ZDHHC21: variants seen among roughly 807,000 people sequenced by gnomAD.
The protein encoded by ZDHHC21 is zDHHC palmitoyltransferase 21.
A neutral mutation model predicts 34.6 loss-of-function variants in ZDHHC21; 15 were observed. The observed-to-expected ratio is 0.43, with a 90% CI of 0.29 to 0.67. ZDHHC21 has a LOEUF of 0.67. Ranked by LOEUF, ZDHHC21 falls within the 30% of genes least tolerant of loss-of-function variation. ZDHHC21 has a pLI of 0.14. For missense variants in ZDHHC21, 344 were observed against 327.7 expected (o/e 1.05, Z -0.38); for synonymous variants, 142 against 101.8 (o/e 1.40, Z -2.38).
At chr9:14,662,402 G>T (rs143381622) in intron 5 of ZDHHC21, 76 bp from the exon 6 acceptor site, 4 of 1,079,566 alleles carry the variant, frequency 3.7e-6, no homozygotes, top group African/African-American at 1.6e-5. Context: ...TTGTTTAGAA[G>T]ATTTTATAGG....
chr9:14,687,050 C>T (rs1464487535), intron 2 of ZDHHC21, among the ~76,000 whole-genome samples: 1 of 150,230 alleles, frequency 6.7e-6, no homozygotes, highest in Non-Finnish European at 1.5e-5. Context: ...GAAAAAAATT[C>T]AAACAGAATT....
At chr9:14,651,179 G>A (rs114643357) in intron 7 of ZDHHC21, among the ~76,000 whole-genome samples, 1,742 of 151,870 alleles carry the variant, frequency 0.011, 14 homozygotes, top group Middle Eastern at 0.024. Context: ...AACCCACTGC[G>A]ATGCCTTTAT....
the ZDHHC21 span, among the ~76,000 whole-genome samples, chr9:14,596,622 A>G: frequency 6.6e-6 from 1 of 152,170 alleles, no homozygotes; most frequent in Non-Finnish European, 1.5e-5. Flanking sequence ...TGACTAACAA[A>G]TGCCTGGATT....
chr9:14,634,651 C>T (rs553517936), intron 8 of ZDHHC21, among the ~76,000 whole-genome samples: 1 of 152,210 alleles, frequency 6.6e-6, no homozygotes, highest in Non-Finnish European at 1.5e-5. Flanking sequence ...GAATCAAAAC[C>T]AAAGGGCCCC....
chr9:14,671,264 T>A (rs1360492273), intron 5 of ZDHHC21, among the ~76,000 whole-genome samples: 1 of 152,086 alleles, frequency 6.6e-6, no homozygotes, highest in African/African-American at 2.4e-5. Flanking sequence ...AAGGAAGGAA[T>A]CACCTTCTAC....
At chr9:14,629,967 A>G (rs1049894386) in intron 8 of ZDHHC21, among the ~76,000 whole-genome samples, 1 of 152,018 alleles carries the variant, frequency 6.6e-6, no homozygotes, top group Non-Finnish European at 1.5e-5. Context: ...AATCGCTTAA[A>G]CCCGAGAGAC....
chr9:14,590,478 C>G, the ZDHHC21 span, among the ~76,000 whole-genome samples: 5 of 151,376 alleles, frequency 3.3e-5, no homozygotes, highest in South Asian at 8.5e-4. Context: ...TACTAAAAAC[C>G]AGAGATAATG....
At position 14,691,359 on chromosome 9, in the gene ZDHHC21, G is replaced by T. The variant is rs867612071; in HGVS notation, c.-224-974C>A. Among the ~76,000 whole-genome samples, 7 of 152,330 alleles carry T rather than the reference G, an allele frequency of 4.6e-5. 1 individual carries two copies. The Middle Eastern group carries it at 0.01, about 222-fold the overall frequency. On this transcript the variant is annotated intron_variant, in intron 1 of 9. Transcript: ENST00000380916. The stretch of plus-strand genomic sequence containing the variant: ...ATTCACTATAACAGGTCCCTGGATT[G>T]TAACTGCAGAGACCATTTGAGTTAC...
At chr9:14,597,814 C>G in the ZDHHC21 span, among the ~76,000 whole-genome samples, 3 of 152,150 alleles carry the variant, frequency 2.0e-5, no homozygotes, top group African/African-American at 7.2e-5. Flanking sequence ...AGCACCTGTG[C>G]CTACCTTCTG....
chr9:14,655,224 C>T (rs934777472), intron 7 of ZDHHC21, among the ~76,000 whole-genome samples: 11 of 151,810 alleles, frequency 7.2e-5, no homozygotes, highest in East Asian at 1.9e-4. Context: ...AAAAACTGAA[C>T]GAAAGTAACC....
intron 7 of ZDHHC21, among the ~76,000 whole-genome samples, chr9:14,656,088 A>G (rs1832153106): frequency 1.3e-5 from 2 of 151,916 alleles, no homozygotes; most frequent in Admixed American, 1.3e-4. Flanking sequence ...CCAAAAAGGT[A>G]TAACGAAATT....
At chr9:14,669,622 A>G (rs1835097099) in intron 5 of ZDHHC21, among the ~76,000 whole-genome samples, 1 of 144,392 alleles carries the variant, frequency 6.9e-6, no homozygotes, top group Non-Finnish European at 1.5e-5. Context: ...CAACAATGAT[A>G]GACTGGATTA....
intron 8 of ZDHHC21, among the ~76,000 whole-genome samples, chr9:14,634,682 C>T (rs1365298431): frequency 6.6e-6 from 1 of 152,112 alleles, no homozygotes; most frequent in Non-Finnish European, 1.5e-5. Flanking sequence ...CACAAAGATA[C>T]ATGTCCAGGA....
the ZDHHC21 span, among the ~76,000 whole-genome samples, chr9:14,600,560 G>A: frequency 6.6e-6 from 1 of 152,156 alleles, no homozygotes; most frequent in Admixed American, 6.5e-5. Context: ...TCAATATGGT[G>A]AAAATGGCCA....
chr9:14,693,096 G>T, intron 1 of ZDHHC21, 133 bp downstream of exon 1: 1 of 213,220 alleles, frequency 4.7e-6, no homozygotes, highest in Non-Finnish European at 9.5e-6. Context: ...TGCAGGAACA[G>T]GTGAGGGCGT....
chr9:14,675,322 T>A (rs568291831), intron 3 of ZDHHC21, among the ~76,000 whole-genome samples: 1 of 152,028 alleles, frequency 6.6e-6, no homozygotes, highest in East Asian at 1.9e-4. Flanking sequence ...ACCTTTTACG[T>A]AAAATACAAT....
intron 8 of ZDHHC21, among the ~76,000 whole-genome samples, chr9:14,633,781 G>A (rs1827789209): frequency 6.6e-6 from 1 of 152,118 alleles, no homozygotes; most frequent in Non-Finnish European, 1.5e-5. Context: ...TTGTGGGCTG[G>A]CACTGCCAGG....
intron 5 of ZDHHC21, among the ~76,000 whole-genome samples, chr9:14,663,752 C>T (rs901700999): frequency 3.9e-5 from 6 of 152,078 alleles, no homozygotes; most frequent in Non-Finnish European, 7.3e-5. Context: ...ATCTCTTATA[C>T]TTGAAATCTT....
rs193101743 is a variant in ZDHHC21, at chr9:14,655,420, A to G, written c.504+3329T>C. On this transcript the variant is annotated intron_variant, in intron 7 of 9. Coordinates refer to ENST00000380916, the MANE Select transcript of ZDHHC21 (RefSeq NM_178566.6). ...AAAAGCACCAATATGTAGATAACTC[A>G]AAACAAATACTGACTATAGGTAACA... 4.1e-3 allele frequency among the ~76,000 whole-genome samples: 620 copies of G among 152,110 alleles called. 4 individuals carry two copies. The highest frequency in any genetic ancestry group is 0.014 in the African/African-American group (599 of 41,556).
Sources: gnomAD v4.1 joint callset for allele counts (sites outside exome capture counted in the v4.1 genomes callset) on GRCh38, gnomAD v4.1.1 for gene constraint, MANE v1.5 for transcripts, NCBI Gene and HGNC (gene_info 2026-07-23, HGNC 2026-07-21) for gene names.